Variants in MUSK observed in about 807,000 individuals in gnomAD.
MUSK encodes the protein muscle, skeletal receptor tyrosine-protein kinase.
MUSK carries 55 observed loss-of-function variants against 88.7 expected under a neutral mutation model. The ratio of observed to expected loss-of-function variants is 0.62; its 90% CI spans 0.50 to 0.78. The LOEUF is 0.78. MUSK is among the 30% of genes least tolerant of loss of function. MUSK has a pLI of 0.00. For synonymous variants in MUSK, 387 were observed against 391.9 expected (o/e 0.99, Z 0.15); for missense variants, 1,015 against 1,074.3 (o/e 0.94, Z 0.77).
chr9:110,745,109 A>G lies in MUSK; in HGVS notation c.754-2532A>G, dbSNP rs534593009. Among the ~76,000 whole-genome samples the G allele has an allele frequency of 3.9e-5, 6 of 152,322 alleles. No individual in the cohort carries two copies. In the South Asian group the frequency reaches 8.3e-4, roughly 21 times the overall value. The stretch of plus-strand genomic sequence containing the variant: ...AAGCAAGGCCTCTGGAAGCAGGGGG[A>G]AAAGCATTCAGGAGTCACTTTGTAC... On this transcript the variant is annotated intron_variant, in intron 6 of 14. Coordinates refer to ENST00000374448, the MANE Select transcript of MUSK (RefSeq NM_005592.4).
chr9:110,785,412 T>G, intron 12 of MUSK, 115 bp from the exon 13 acceptor site: 1 of 913,086 alleles, frequency 1.1e-6, no homozygotes. Context: ...TTGGCTGCCT[T>G]AGTATAACTT....
At chr9:110,696,693 TA>T (rs1474884776) in intron 4 of MUSK, among the ~76,000 whole-genome samples, 1 of 152,112 alleles carries the variant, frequency 6.6e-6, no homozygotes, top group Non-Finnish European at 1.5e-5. Flanking sequence ...AGAGTAATTT[TA>T]ATATTATGTG....
intron 5 of MUSK, among the ~76,000 whole-genome samples, chr9:110,718,606 T>C (rs181119389): frequency 6.6e-6 from 1 of 151,960 alleles, no homozygotes; most frequent in Admixed American, 6.6e-5. Flanking sequence ...AACCTAAGAA[T>C]AGTTGGAAGG....
intron 5 of MUSK, among the ~76,000 whole-genome samples, chr9:110,717,069 G>C (rs1189084512): frequency 6.7e-6 from 1 of 149,618 alleles, no homozygotes; most frequent in African/African-American, 2.5e-5. Context: ...CAATCCAAAA[G>C]ACTTTATTTT....
At chr9:110,797,301 A>C (rs943390462) in intron 14 of MUSK, among the ~76,000 whole-genome samples, 4 of 150,252 alleles carry the variant, frequency 2.7e-5, no homozygotes, top group African/African-American at 9.8e-5. Flanking sequence ...ACAAAAAAAA[A>C]GTTTCAGTGG....
intron 5 of MUSK, among the ~76,000 whole-genome samples, chr9:110,726,691 C>T (rs1228492501): frequency 1.3e-5 from 2 of 152,036 alleles, no homozygotes; most frequent in Non-Finnish European, 2.9e-5. Context: ...CCATCCCAAC[C>T]ACTCTAAGTT....
intron 9 of MUSK, among the ~76,000 whole-genome samples, chr9:110,772,368 T>C (rs1325028567): frequency 1.3e-5 from 2 of 151,760 alleles, no homozygotes; most frequent in Non-Finnish European, 2.9e-5. Flanking sequence ...ATCATAGTTA[T>C]TTCCTAAATC....
intron 5 of MUSK, among the ~76,000 whole-genome samples, chr9:110,719,503 T>C (rs564794703): frequency 7.9e-5 from 12 of 152,204 alleles, no homozygotes; most frequent in African/African-American, 2.4e-4. Context: ...AGGGAGATTA[T>C]ATAATGATAA....
chr9:110,680,193 T>C (rs931019893), intron 1 of MUSK, among the ~76,000 whole-genome samples: 1 of 152,130 alleles, frequency 6.6e-6, no homozygotes, highest in African/African-American at 2.4e-5. Flanking sequence ...TTTTACGCAG[T>C]CATGTAAAGG....
intron 1 of MUSK, among the ~76,000 whole-genome samples, chr9:110,674,445 G>A (rs1268954403): frequency 6.6e-6 from 1 of 151,984 alleles, no homozygotes; most frequent in Non-Finnish European, 1.5e-5. Context: ...GCAAACCTGC[G>A]GAAGACAAAA....
chr9:110,669,095 A>G (rs2075924836), intron 1 of MUSK, 112 bp downstream of exon 1: 2 of 950,670 alleles, frequency 2.1e-6, no homozygotes, highest in Non-Finnish European at 3.5e-6. Context: ...TTTTACTTGA[A>G]GAAGTAAGGG....
intron 7 of MUSK, among the ~76,000 whole-genome samples, chr9:110,752,509 T>C (rs1022332915): frequency 6.6e-6 from 1 of 152,256 alleles, no homozygotes; most frequent in African/African-American, 2.4e-5. Context: ...ATGGCGCCTC[T>C]TTTGCCATTC....
At chr9:110,687,797 C>T (rs2076217767) in intron 3 of MUSK, among the ~76,000 whole-genome samples, 1 of 152,122 alleles carries the variant, frequency 6.6e-6, no homozygotes, top group Non-Finnish European at 1.5e-5. Flanking sequence ...TCTCAATTCT[C>T]TATCCTCTCC....
At chr9:110,734,952 G>T (rs1316568545) in intron 6 of MUSK, among the ~76,000 whole-genome samples, 2 of 152,054 alleles carry the variant, frequency 1.3e-5, no homozygotes, top group Non-Finnish European at 2.9e-5. Flanking sequence ...AACAGGCAAA[G>T]TTCTCTGCCC....
intron 5 of MUSK, among the ~76,000 whole-genome samples, chr9:110,702,251 T>G (rs1034740787): frequency 6.6e-6 from 1 of 152,054 alleles, no homozygotes; most frequent in African/African-American, 2.4e-5. Flanking sequence ...ATAAGCTCAA[T>G]GAGCTGGTTT....
intron 12 of MUSK, 60 bp downstream of exon 12, chr9:110,785,076 G>C: frequency 6.8e-7 from 1 of 1,463,704 alleles, no homozygotes; most frequent in East Asian, 2.3e-5. Context: ...GTGTTTTATG[G>C]AGTTGGTATG....
chr9:110,762,024 C>T (rs2077409242), intron 7 of MUSK, 178 bp from the exon 8 acceptor site: 5 of 865,524 alleles, frequency 5.8e-6, no homozygotes, highest in Middle Eastern at 5.7e-4. Flanking sequence ...TCATTTCCTC[C>T]GAATCTGCCC....
chr9:110,689,340 A>G (rs1276641612), intron 3 of MUSK, among the ~76,000 whole-genome samples: 1 of 118,488 alleles, frequency 8.4e-6, no homozygotes, highest in African/African-American at 3.5e-5. Flanking sequence ...ATTTAAATAT[A>G]AATATATAAA....
chr9:110,712,934 G>T (rs187508359), intron 5 of MUSK, among the ~76,000 whole-genome samples: 43 of 152,212 alleles, frequency 2.8e-4, no homozygotes, highest in African/African-American at 1.0e-3. Context: ...GTTTGTGTAG[G>T]GTTATATACA....
Sources: allele counts gnomAD v4.1 joint callset (sites outside exome capture counted in the v4.1 genomes callset), GRCh38; gene constraint gnomAD v4.1.1; transcripts MANE v1.5; gene names NCBI Gene and HGNC (gene_info 2026-07-23, HGNC 2026-07-21).